PAFAH1B2: variants seen among roughly 807,000 people sequenced by gnomAD.
The protein encoded by PAFAH1B2 is platelet-activating factor acetylhydrolase IB subunit alpha2.
PAFAH1B2 carries 8 observed loss-of-function variants against 28.0 expected under a neutral mutation model. That is an observed-to-expected ratio of 0.29 (90% confidence interval 0.17 to 0.52). The LOEUF (loss-of-function observed/expected upper bound fraction) is 0.52. Ranked by LOEUF, PAFAH1B2 falls within the 20% of genes least tolerant of loss-of-function variation. The pLI, the probability that PAFAH1B2 is intolerant of heterozygous loss-of-function variation, is 0.97. For synonymous variants in PAFAH1B2, 104 were observed against 103.2 expected (o/e 1.01, Z -0.05); for missense variants, 190 against 282.6 (o/e 0.67, Z 2.35).
chr11:117,150,204 A>G (rs575559944), intron 1 of PAFAH1B2, among the ~76,000 whole-genome samples: 1 of 152,310 alleles, frequency 6.6e-6, no homozygotes, highest in East Asian at 1.9e-4. Flanking sequence ...TTTGTTTGAG[A>G]TGAAGTCTTG....
chr11:117,165,857 T>C (rs1273324771), intron 5 of PAFAH1B2, among the ~76,000 whole-genome samples: 1 of 151,238 alleles, frequency 6.6e-6, no homozygotes, highest in African/African-American at 2.4e-5. Context: ...TTTTTTAATT[T>C]GAGATGGAGT....
chr11:117,146,128 T>TGG (rs1956000502), intron 1 of PAFAH1B2, among the ~76,000 whole-genome samples: 6 of 144,708 alleles, frequency 4.1e-5, no homozygotes, highest in Non-Finnish European at 7.7e-5. Flanking sequence ...TTTTTTTTTT[T>TGG]TTTTTGTGTG....
intron 1 of PAFAH1B2, among the ~76,000 whole-genome samples, chr11:117,146,973 A>C (rs1012713834): frequency 5.3e-5 from 8 of 151,958 alleles, no homozygotes; most frequent in African/African-American, 1.9e-4. Context: ...CTCAAAAAAA[A>C]CAAAAAAAAA....
In PAFAH1B2 at chr11:117,168,445, C is replaced by CCTTTGTTT. The variant is rs1565274998; in HGVS notation, c.*746_*747insCTTTGTTT. Reference sequence around the variant, plus strand: ...TTCCCCTTCATTCCCCCCGCCACCCCGTTTTTTTTTTTTTTTTTTTTTTTT... The same window carrying CCTTTGTTT: ...TTCCCCTTCATTCCCCCCGCCACCCCCTTTGTTTGTTTTTTTTTTTTTTTTTTTTTTTT... On this transcript the variant is annotated 3_prime_UTR_variant, in exon 6 of 6. Transcript: ENST00000527958. The CCTTTGTTT allele has an allele frequency of 2.8e-6, 1 of 352,466 alleles. No homozygotes were observed. The highest frequency in any genetic ancestry group is 3.4e-6 in the Non-Finnish European group (1 of 291,822). 21.8% of individuals were successfully genotyped at this position (352,466 alleles called of 1,614,324 possible).
At chr11:117,146,163 C>T (rs1956003147) in intron 1 of PAFAH1B2, among the ~76,000 whole-genome samples, 1 of 149,518 alleles carries the variant, frequency 6.7e-6, no homozygotes, top group Non-Finnish European at 1.5e-5. Context: ...AGTCTGTCGC[C>T]CAGGCTGGAG....
intron 5 of PAFAH1B2, among the ~76,000 whole-genome samples, chr11:117,165,883 AGGCTGGAGTGCAGT>A (rs1455629627): frequency 6.7e-6 from 1 of 149,682 alleles, no homozygotes; most frequent in East Asian, 2.0e-4. Context: ...TCTACTGCCC[AGGCTGGAGTGCAGT>A]GGCGTGATCT....
intron 4 of PAFAH1B2, among the ~76,000 whole-genome samples, chr11:117,163,377 A>T (rs1956419563): frequency 6.6e-6 from 1 of 152,156 alleles, no homozygotes; most frequent in African/African-American, 2.4e-5. Flanking sequence ...TTGCTTTTTG[A>T]AATAAGATTT....
chr11:117,169,038 G>C lies in PAFAH1B2; in HGVS notation c.*1339G>C. Reference sequence around the variant, plus strand: ...ACTCCTGACCTCAGGTGATCTGCCCGCCTTGGCCTCCCAAAGTGCTGGGAT... The same window carrying C: ...ACTCCTGACCTCAGGTGATCTGCCCCCCTTGGCCTCCCAAAGTGCTGGGAT... On this transcript the variant is annotated 3_prime_UTR_variant, in exon 6 of 6. Coordinates refer to ENST00000527958, the MANE Select transcript of PAFAH1B2 (RefSeq NM_002572.4). The C allele has an allele frequency of 4.2e-6, 3 of 711,696 alleles. No homozygotes were observed. Among genetic ancestry groups the C allele is most frequent in the Non-Finnish European group, 5.3e-6 (3 of 569,622 alleles). The allele number at this position is 711,696 out of a possible 1,614,324, so 44.1% of individuals were successfully genotyped here. A position where few individuals can be genotyped will look rare whatever the true frequency, so the allele number is the denominator to read the frequency against.
intron 2 of PAFAH1B2, among the ~76,000 whole-genome samples, chr11:117,155,769 G>A (rs1591738923): frequency 6.6e-6 from 1 of 152,188 alleles, no homozygotes; most frequent in African/African-American, 2.4e-5. Context: ...ACAGGAAGAA[G>A]AGTGTGACCT....
chr11:117,178,154 T>A (rs765540657), downstream of PAFAH1B2, among the ~76,000 whole-genome samples: 1 of 152,226 alleles, frequency 6.6e-6, no homozygotes, highest in African/African-American at 2.4e-5. Flanking sequence ...CAATTTACAC[T>A]GAAGGTCAGT....
chr11:117,148,758 A>G (rs1033259176), intron 1 of PAFAH1B2, among the ~76,000 whole-genome samples: 1 of 152,164 alleles, frequency 6.6e-6, no homozygotes, highest in African/African-American at 2.4e-5. Flanking sequence ...CCCTTCTCTT[A>G]TAATAATAAA....
chr11:117,163,006 TAC>T (rs1956409232), intron 4 of PAFAH1B2, among the ~76,000 whole-genome samples: 1 of 152,214 alleles, frequency 6.6e-6, no homozygotes, highest in Admixed American at 6.5e-5. Flanking sequence ...TTTATTTTTA[TAC>T]AGTTTATTAA....
chr11:117,166,364 A>G (rs114287696), intron 5 of PAFAH1B2, among the ~76,000 whole-genome samples: 3,882 of 152,344 alleles, frequency 0.025, 66 homozygotes, highest in Non-Finnish European at 0.028. Context: ...ATGTTGCTCA[A>G]TAAGCCTTCC....
chr11:117,170,092 A>AT lies in PAFAH1B2; in HGVS notation c.*2399dup, dbSNP rs1565276567. 9.5e-7 allele frequency: 1 copy of AT among 1,055,506 alleles called. No individual in the cohort carries two copies. Among genetic ancestry groups the AT allele is most frequent in the South Asian group, 4.6e-5 (1 of 21,868 alleles). 65.4% of individuals were successfully genotyped at this position (1,055,506 alleles called of 1,614,324 possible). ...ATGTGCAGATATTGAGTTCACTTTC[A>AT]TTTTTTGCCAGATTTCTTTGCACTA... is the stretch of plus-strand genomic sequence containing the variant. On this transcript the variant is annotated 3_prime_UTR_variant, in exon 6 of 6. Coordinates refer to ENST00000527958, the MANE Select transcript of PAFAH1B2 (RefSeq NM_002572.4).
downstream of PAFAH1B2, chr11:117,175,074 C>T (rs1218917262): frequency 7.8e-7 from 1 of 1,285,442 alleles, no homozygotes; most frequent in Non-Finnish European, 9.9e-7. Flanking sequence ...TTCTTTGGTC[C>T]ATTCAACACT....
downstream of PAFAH1B2, among the ~76,000 whole-genome samples, chr11:117,172,186 C>A (rs778238782): frequency 1.3e-5 from 2 of 151,936 alleles, no homozygotes; most frequent in Non-Finnish European, 2.9e-5. Flanking sequence ...GAGAATCTGT[C>A]CCCTAATTTA....
intron 1 of PAFAH1B2, among the ~76,000 whole-genome samples, chr11:117,148,869 CAG>C (rs1165596918): frequency 1.3e-5 from 2 of 151,942 alleles, no homozygotes; most frequent in Non-Finnish European, 2.9e-5. Context: ...AAAAAAATCT[CAG>C]AACATTTATT....
In PAFAH1B2 at chr11:117,169,654, A is replaced by T. The variant is rs893909814; in HGVS notation, c.*1955A>T. The T allele has an allele frequency of 7.6e-6, 8 of 1,053,502 alleles. No individual in the cohort carries two copies. Among genetic ancestry groups the T allele is most frequent in the Non-Finnish European group, 9.2e-6 (8 of 871,310 alleles). 65.3% of individuals were successfully genotyped at this position (1,053,502 alleles called of 1,614,324 possible). On this transcript the variant is annotated 3_prime_UTR_variant, in exon 6 of 6. Transcript: ENST00000527958. ...ATCATGTCTTCATTAACAACAGAAA[A>T]TCCACATGGTGTTTACTAAACTTGT...
intron 5 of PAFAH1B2, among the ~76,000 whole-genome samples, chr11:117,164,411 A>G (rs904419481): frequency 3.3e-5 from 5 of 151,878 alleles, no homozygotes; most frequent in Middle Eastern, 6.8e-3. Context: ...CGTCTCAAAA[A>G]AAAAAAGTAT....
Sources: gnomAD v4.1 joint callset for allele counts (sites outside exome capture counted in the v4.1 genomes callset) on GRCh38, gnomAD v4.1.1 for gene constraint, MANE v1.5 for transcripts, NCBI Gene and HGNC (gene_info 2026-07-23, HGNC 2026-07-21) for gene names.